Variants in THSD4 observed in about 807,000 individuals in gnomAD.
THSD4 encodes thrombospondin type-1 domain-containing protein 4.
THSD4 carries 69 observed loss-of-function variants against 119.0 expected under a neutral mutation model. That is an observed-to-expected ratio of 0.58 (90% confidence interval 0.48 to 0.71). THSD4 has a LOEUF of 0.71. THSD4 is among the 30% of genes least tolerant of loss of function. THSD4 has a pLI of 0.00. For synonymous variants in THSD4, 524 were observed against 540.4 expected (o/e 0.97, Z 0.42); for missense variants, 1,393 against 1,391.1 (o/e 1.00, Z -0.02).
intron 6 of THSD4, among the ~76,000 whole-genome samples, chr15:71,262,445 G>A (rs1051580745): frequency 1.3e-5 from 2 of 152,272 alleles, no homozygotes; most frequent in East Asian, 1.9e-4. Context: ...TTCATAGGAA[G>A]CCACTTGTTT....
At chr15:71,260,090 C>G (rs967484477) in intron 6 of THSD4, among the ~76,000 whole-genome samples, 6 of 152,184 alleles carry the variant, frequency 3.9e-5, no homozygotes, top group Non-Finnish European at 4.4e-5. Flanking sequence ...TGTCTAAGAC[C>G]TTGAGGTCTG....
chr15:71,409,155 T>TCCCCC (rs5813630), intron 6 of THSD4, among the ~76,000 whole-genome samples: 4 of 145,030 alleles, frequency 2.8e-5, no homozygotes, highest in Non-Finnish European at 6.0e-5. Flanking sequence ...CTTTTTTTTT[T>TCCCCC]CCCCCCCCCT....
At chr15:71,397,550 A>G (rs760667164) in intron 6 of THSD4, among the ~76,000 whole-genome samples, 15 of 152,226 alleles carry the variant, frequency 9.9e-5, no homozygotes, top group African/African-American at 3.4e-4. Context: ...TAGGTGCTCA[A>G]TAAACATCTG....
chr15:71,479,028 A>G (rs972166666), intron 7 of THSD4, among the ~76,000 whole-genome samples: 10 of 151,956 alleles, frequency 6.6e-5, no homozygotes, highest in Admixed American at 6.6e-4. Context: ...GGCCCCCAGT[A>G]GTGCAGTGGC....
chr15:71,339,846 C>T (rs1329893143), intron 6 of THSD4, among the ~76,000 whole-genome samples: 1 of 152,100 alleles, frequency 6.6e-6, no homozygotes, highest in South Asian at 2.1e-4. Flanking sequence ...CTCACTGCAA[C>T]CTCTGCCTCC....
chr15:71,239,797 C>T (rs555217591), intron 4 of THSD4, among the ~76,000 whole-genome samples: 11 of 152,328 alleles, frequency 7.2e-5, no homozygotes, highest in African/African-American at 2.2e-4. Context: ...TGCAAGCGGC[C>T]AGATGGACTC....
At chr15:71,370,853 C>T (rs1161590532) in intron 6 of THSD4, among the ~76,000 whole-genome samples, 3 of 151,900 alleles carry the variant, frequency 2.0e-5, no homozygotes, top group Non-Finnish European at 2.9e-5. Flanking sequence ...TTTGTCTCGT[C>T]GATCTGTCTG....
At chr15:71,616,348 T>A (rs1389749615) in intron 7 of THSD4, among the ~76,000 whole-genome samples, 1 of 152,192 alleles carries the variant, frequency 6.6e-6, no homozygotes, top group East Asian at 1.9e-4. Context: ...AATCCTCTTA[T>A]GTTTTGCTGG....
At chr15:71,437,514 G>C (rs2047028330) in intron 7 of THSD4, among the ~76,000 whole-genome samples, 1 of 152,200 alleles carries the variant, frequency 6.6e-6, no homozygotes, top group Non-Finnish European at 1.5e-5. Context: ...GGAAGATAAG[G>C]GAACTCCAGA....
At chr15:71,495,526 A>G (rs1327625675) in intron 7 of THSD4, among the ~76,000 whole-genome samples, 1 of 152,188 alleles carries the variant, frequency 6.6e-6, no homozygotes, top group Non-Finnish European at 1.5e-5. Context: ...TAGAAACATG[A>G]CACGGGAAAG....
At chr15:71,463,301 C>G (rs1472108690) in intron 7 of THSD4, among the ~76,000 whole-genome samples, 2 of 152,110 alleles carry the variant, frequency 1.3e-5, no homozygotes, top group Admixed American at 6.5e-5. Context: ...GTATCCAAGT[C>G]ACATATGGTA....
At chr15:71,655,057 T>C (rs2051162800) in intron 7 of THSD4, among the ~76,000 whole-genome samples, 2 of 152,226 alleles carry the variant, frequency 1.3e-5, no homozygotes. Context: ...TCTTGAGCAA[T>C]TTCTCCTGTG....
intron 7 of THSD4, chr15:71,549,937 T>C (rs71395021): frequency 0.14 from 21,328 of 152,394 alleles, 1,524 homozygotes; most frequent in Middle Eastern, 0.2. Flanking sequence ...GCACTGTCAG[T>C]GCTGGTGACT....
intron 3 of THSD4, among the ~76,000 whole-genome samples, chr15:71,157,143 C>T (rs28559628): frequency 0.012 from 1,805 of 152,262 alleles, 39 homozygotes; most frequent in African/African-American, 0.041. Flanking sequence ...ACGGAAAATA[C>T]TTTATACGTG....
At chr15:71,609,227 G>A (rs1206345047) in intron 7 of THSD4, among the ~76,000 whole-genome samples, 1 of 152,202 alleles carries the variant, frequency 6.6e-6, no homozygotes, top group Non-Finnish European at 1.5e-5. Flanking sequence ...AATGCAATAA[G>A]TAACACATAT....
intron 5 of THSD4, among the ~76,000 whole-genome samples, chr15:71,249,153 C>G (rs1304897015): frequency 6.6e-6 from 1 of 151,940 alleles, no homozygotes; most frequent in Non-Finnish European, 1.5e-5. Context: ...ATATGTGAAT[C>G]ACACACATAT....
At chr15:71,105,807 C>T (rs1033713242) in intron 1 of THSD4, among the ~76,000 whole-genome samples, 4 of 152,202 alleles carry the variant, frequency 2.6e-5, no homozygotes, top group African/African-American at 9.6e-5. Flanking sequence ...GAACCACAAC[C>T]TCACCTGGCC....
At chr15:71,171,880 A>G (rs1181238696) in intron 3 of THSD4, among the ~76,000 whole-genome samples, 1 of 152,204 alleles carries the variant, frequency 6.6e-6, no homozygotes, top group Non-Finnish European at 1.5e-5. Flanking sequence ...AAAAGGAAGT[A>G]TGATATTATA....
intron 7 of THSD4, among the ~76,000 whole-genome samples, chr15:71,442,660 G>GTGTGTGTGTGTATGTATATATATA: frequency 3.9e-5 from 1 of 25,828 alleles, no homozygotes; most frequent in Non-Finnish European, 9.2e-5. Context: ...GTGTGTGTGT[G>GTGTGTGTGTGTATGTATATATATA]TATATATATA....
Sources: gnomAD v4.1 joint callset for allele counts (sites outside exome capture counted in the v4.1 genomes callset) on GRCh38, gnomAD v4.1.1 for gene constraint, MANE v1.5 for transcripts, NCBI Gene and HGNC (gene_info 2026-07-23, HGNC 2026-07-21) for gene names.